The following ABHD18 variants were observed in gnomAD, a reference collection of about 807,000 sequenced individuals.
ABHD18 encodes the protein abhydrolase domain containing 18, also known as cardiolipin-specific deacylase, mitochondrial.
Under a neutral mutation model 65.9 loss-of-function variants are expected in ABHD18, and 55 were observed. The ratio of observed to expected loss-of-function variants is 0.84; its 90% CI spans 0.67 to 1.05. The LOEUF is 1.05. Ranked by LOEUF, ABHD18 falls within the 50% of genes least tolerant of loss-of-function variation. The pLI, the probability that ABHD18 is intolerant of heterozygous loss-of-function variation, is 0.00. For missense variants in ABHD18, 533 were observed against 558.5 expected, an observed-to-expected ratio of 0.95 and a Z score of 0.46; for synonymous variants, 181 against 180.2, an observed-to-expected ratio of 1.00 and a Z score of -0.04.
intron 10 of ABHD18, among the ~76,000 whole-genome samples, chr4:128,021,531 G>A (rs1049131272): frequency 2.0e-5 from 3 of 151,944 alleles, no homozygotes; most frequent in Non-Finnish European, 2.9e-5. Context: ...GTAGGTGCCT[G>A]TAATCCCAGC....
chr4:128,009,292 A>G (rs1284488411), intron 6 of ABHD18, 101 bp downstream of exon 6: 1 of 643,942 alleles, frequency 1.6e-6, no homozygotes, highest in Non-Finnish European at 2.3e-6. Flanking sequence ...TAAACCAGTT[A>G]AATTTAGTCA....
chr4:128,009,999 AC>A (rs2149134656), intron 6 of ABHD18, among the ~76,000 whole-genome samples: 1 of 152,232 alleles, frequency 6.6e-6, no homozygotes. Context: ...TTATTTCTCT[AC>A]CTGTGTTATA....
At chr4:127,975,135 T>A (rs1747667298) in intron 1 of ABHD18, among the ~76,000 whole-genome samples, 1 of 152,180 alleles carries the variant, frequency 6.6e-6, no homozygotes, top group Non-Finnish European at 1.5e-5. Flanking sequence ...TTTCTCAGTT[T>A]TTTTTCTTGT....
At chr4:128,020,221 G>A (rs1756257950) in intron 9 of ABHD18, 52 bp downstream of exon 9, 3 of 1,444,052 alleles carry the variant, frequency 2.1e-6, no homozygotes, top group South Asian at 2.4e-5. Context: ...AGAGGTAATT[G>A]TTTTGGGGGG....
intron 10 of ABHD18, among the ~76,000 whole-genome samples, chr4:128,025,483 T>G (rs1757208405): frequency 2.0e-5 from 3 of 152,186 alleles, no homozygotes; most frequent in African/African-American, 7.2e-5. Flanking sequence ...CCTTATTATT[T>G]TTTACTGCTA....
intron 3 of ABHD18, among the ~76,000 whole-genome samples, chr4:127,989,477 A>G (rs527562050): frequency 3.9e-5 from 6 of 152,298 alleles, no homozygotes; most frequent in Non-Finnish European, 8.8e-5. Context: ...GGATACCCCA[A>G]TTACCCTGAT....
At chr4:128,002,960 A>G (rs866818627) in intron 4 of ABHD18, among the ~76,000 whole-genome samples, 3 of 151,830 alleles carry the variant, frequency 2.0e-5, no homozygotes, top group South Asian at 2.1e-4. Flanking sequence ...TATTATCTAC[A>G]CCTTTTAACT....
At chr4:127,976,168 A>G (rs1325467835) in intron 1 of ABHD18, among the ~76,000 whole-genome samples, 1 of 152,152 alleles carries the variant, frequency 6.6e-6, no homozygotes, top group Non-Finnish European at 1.5e-5. Context: ...TTATAACATT[A>G]GTGTTATATT....
intron 4 of ABHD18, among the ~76,000 whole-genome samples, chr4:128,008,060 A>C (rs551577219): frequency 6.6e-6 from 1 of 151,936 alleles, no homozygotes; most frequent in African/African-American, 2.4e-5. Context: ...TCAGGAGTTC[A>C]AGACCAGTCT....
intron 4 of ABHD18, among the ~76,000 whole-genome samples, chr4:128,006,914 C>G (rs1436511950): frequency 6.6e-6 from 1 of 151,982 alleles, no homozygotes; most frequent in Non-Finnish European, 1.5e-5. Context: ...AGGAGACTGT[C>G]TCCAGAAAAT....
chr4:127,965,585 G>A lies in ABHD18; in HGVS notation c.-39G>A, dbSNP rs1745015238. Reference sequence around the variant, plus strand: ...GCTGGGAGGCCCGGCCAGCTCGATCGCAGGCTTCCACCTGGCGGCCAGTAA... The same window carrying A: ...GCTGGGAGGCCCGGCCAGCTCGATCACAGGCTTCCACCTGGCGGCCAGTAA... On this transcript the variant is annotated 5_prime_UTR_variant, in exon 1 of 13. Coordinates refer to ENST00000645843, the MANE Select transcript of ABHD18 (RefSeq NM_001358451.3). The A allele has an allele frequency of 4.4e-6, 1 of 229,014 alleles. No homozygotes were observed. Among genetic ancestry groups the A allele is most frequent in the Non-Finnish European group, 8.9e-6 (1 of 112,020 alleles). The allele number at this position is 229,014 out of a possible 1,614,324, so 14.2% of individuals were successfully genotyped here.
chr4:127,976,742 G>T (rs1188321352), intron 1 of ABHD18, among the ~76,000 whole-genome samples: 1 of 152,126 alleles, frequency 6.6e-6, no homozygotes, highest in Non-Finnish European at 1.5e-5. Flanking sequence ...AGTATAAGTT[G>T]TTTTTAAAAT....
chr4:128,033,368 A>G (rs535029177), intron 12 of ABHD18, among the ~76,000 whole-genome samples: 200 of 152,252 alleles, frequency 1.3e-3, no homozygotes, highest in African/African-American at 4.6e-3. Flanking sequence ...CAACATGCAA[A>G]TATCCACCTC....
intron 1 of ABHD18, among the ~76,000 whole-genome samples, chr4:127,979,776 C>T (rs1748657806): frequency 6.6e-6 from 1 of 151,826 alleles, no homozygotes; most frequent in Non-Finnish European, 1.5e-5. Context: ...ATTAGCTGGG[C>T]GTGCTGCTGT....
intron 1 of ABHD18, among the ~76,000 whole-genome samples, chr4:127,982,020 CAG>C (rs1189324494): frequency 2.0e-5 from 3 of 151,802 alleles, no homozygotes; most frequent in Admixed American, 2.0e-4. Flanking sequence ...CGTAGGCAAA[CAG>C]AGGAATATTA....
chr4:127,982,179 AAAC>A (rs1749175411), intron 1 of ABHD18, among the ~76,000 whole-genome samples: 1 of 152,222 alleles, frequency 6.6e-6, no homozygotes, highest in African/African-American at 2.4e-5. Flanking sequence ...AAAAAATAAA[AAAC>A]AATTGAAAAA....
At chr4:128,008,341 G>A (rs1368914246) in intron 4 of ABHD18, among the ~76,000 whole-genome samples, 4 of 131,410 alleles carry the variant, frequency 3.0e-5, no homozygotes, top group African/African-American at 5.8e-5. Flanking sequence ...GCACAATCTC[G>A]GCTCACTGCA....
intron 12 of ABHD18, among the ~76,000 whole-genome samples, chr4:128,035,204 C>T (rs72618823): frequency 0.048 from 7,217 of 151,834 alleles, 404 homozygotes; most frequent in East Asian, 0.27. Context: ...CCTCTGTGTG[C>T]GTGCGTGTAT....
chr4:127,987,331 A>C (rs1750142628), intron 3 of ABHD18, among the ~76,000 whole-genome samples: 1 of 151,974 alleles, frequency 6.6e-6, no homozygotes, highest in South Asian at 2.1e-4. Flanking sequence ...CAGTCTTGGC[A>C]ACAGAGTGAG....
Sources: gnomAD v4.1 joint callset for allele counts (sites outside exome capture counted in the v4.1 genomes callset) on GRCh38, gnomAD v4.1.1 for gene constraint, MANE v1.5 for transcripts, NCBI Gene and HGNC (gene_info 2026-07-23, HGNC 2026-07-21) for gene names.